CALU: variants seen among roughly 807,000 people sequenced by gnomAD.
CALU encodes calumenin.
Under a neutral mutation model 37.5 loss-of-function variants are expected in CALU, and 13 were observed. The ratio of observed to expected loss-of-function variants is 0.35; its 90% confidence interval spans 0.23 to 0.55. The LOEUF (loss-of-function observed/expected upper bound fraction) is 0.55. Ranked by LOEUF, CALU falls within the 20% of genes least tolerant of loss-of-function variation. The pLI, the probability that CALU is intolerant of heterozygous loss-of-function variation, is 0.89. For missense variants in CALU, 282 were observed against 391.7 expected (o/e 0.72, Z 2.36); for synonymous variants, 114 against 133.8 (o/e 0.85, Z 1.02).
At chr7:128,749,727 C>G (rs1800586034) in intron 2 of CALU, among the ~76,000 whole-genome samples, 1 of 152,110 alleles carries the variant, frequency 6.6e-6, no homozygotes, top group Non-Finnish European at 1.5e-5. Flanking sequence ...GGGTTATCTA[C>G]TGACTGAAGG....
rs1801657300 is a variant in CALU, at chr7:128,773,120, C to T, written c.*3953C>T. On this transcript the variant is annotated 3_prime_UTR_variant, in exon 7 of 7. Coordinates refer to ENST00000249364, the MANE Select transcript of CALU (RefSeq NM_001219.5). ...GGATTTCAGATGGGATAGGAAATCCCCCAGTACCTTCAGATGATAAGATAT... is the reference window on the plus strand; with the variant it reads ...GGATTTCAGATGGGATAGGAAATCCTCCAGTACCTTCAGATGATAAGATAT... Among the ~76,000 whole-genome samples the T allele has an allele frequency of 6.6e-6, 1 of 152,122 alleles. No individual in the cohort carries two copies. Among genetic ancestry groups the T allele is most frequent in the Non-Finnish European group, 1.5e-5 (1 of 68,028 alleles).
rs918185091 is a variant in CALU, at chr7:128,772,889, T to C, written c.*3722T>C. Among the ~76,000 whole-genome samples, 10 of 152,208 alleles carry C rather than the reference T, an allele frequency of 6.6e-5. No individual in the cohort carries two copies. The highest frequency in any genetic ancestry group is 2.1e-4 in the South Asian group (1 of 4,834). On this transcript the variant is annotated 3_prime_UTR_variant, in exon 7 of 7. Transcript: ENST00000249364. Reference sequence around the variant, plus strand: ...GTCAAGTCTGAGACCTCACTGTTGGTAAATTCACAAACCATCCTGCTTCAT... The same window carrying C: ...GTCAAGTCTGAGACCTCACTGTTGGCAAATTCACAAACCATCCTGCTTCAT...
chr7:128,749,809 C>A (rs894847582), intron 2 of CALU, among the ~76,000 whole-genome samples: 1 of 152,146 alleles, frequency 6.6e-6, no homozygotes, highest in Non-Finnish European at 1.5e-5. Context: ...AGCACTGTCA[C>A]ATAGCATTTG....
intron 1 of CALU, among the ~76,000 whole-genome samples, chr7:128,742,119 AC>A (rs1563124619): frequency 1.3e-5 from 2 of 152,226 alleles, no homozygotes; most frequent in African/African-American, 4.8e-5. Context: ...TGGTATCATG[AC>A]TTTTATCAAA....
chr7:128,741,538 A>C (rs966971534), intron 1 of CALU, among the ~76,000 whole-genome samples: 1 of 152,210 alleles, frequency 6.6e-6, no homozygotes, highest in African/African-American at 2.4e-5. Flanking sequence ...GTTTTATAGA[A>C]GTTTAGATTG....
chr7:128,758,869 A>T lies in CALU; in HGVS notation c.416-2A>T, dbSNP rs112887478. 1 of 1,603,796 alleles carries T rather than the reference A, an allele frequency of 6.2e-7. No homozygotes were observed. Among genetic ancestry groups the T allele is most frequent in the Non-Finnish European group, 8.5e-7 (1 of 1,175,102 alleles). On this transcript the variant is annotated splice_acceptor_variant, in intron 3 of 6. Transcript: ENST00000249364. LOFTEE classifies it high-confidence loss of function. Reference sequence around the variant, plus strand: ...GATTTGACCTAAATTTTTGTTTTCTAGATGATCCAGATCCTGATGATGGAT... The same window carrying T: ...GATTTGACCTAAATTTTTGTTTTCTTGATGATCCAGATCCTGATGATGGAT...
chr7:128,743,433 A>G lies in CALU; in HGVS notation c.-12+4001A>G, dbSNP rs551629780. ...GTATGTATGGCCCAATGGATACACA[A>G]AGATCTTTCCAGCTGGAAGTGATCT... is the stretch of plus-strand genomic sequence containing the variant. On this transcript the variant is annotated intron_variant, in intron 1 of 6. Transcript: ENST00000249364. Among the ~76,000 whole-genome samples, 32 of 152,312 alleles carry G rather than the reference A, an allele frequency of 2.1e-4. 1 individual carries two copies. The highest frequency in any genetic ancestry group is 1.2e-3 in the South Asian group (6 of 4,822).
intron 5 of CALU, among the ~76,000 whole-genome samples, chr7:128,761,896 A>G (rs537229081): frequency 6.6e-6 from 1 of 152,344 alleles, no homozygotes; most frequent in South Asian, 2.1e-4. Context: ...ATGTTGTCTT[A>G]TCATACCTGT....
chr7:128,763,398 AT>A (rs951760579), intron 5 of CALU, among the ~76,000 whole-genome samples: 1 of 151,954 alleles, frequency 6.6e-6, no homozygotes, highest in Non-Finnish European at 1.5e-5. Context: ...GTGTGGTGGC[AT>A]GTGCCTGTGT....
chr7:128,744,924 G>A (rs955997039), intron 1 of CALU, among the ~76,000 whole-genome samples: 11 of 152,190 alleles, frequency 7.2e-5, no homozygotes, highest in African/African-American at 2.4e-4. Context: ...CTTGTATCAA[G>A]ATATTAAGCC....
chr7:128,753,794 G>C (rs1404106561), intron 2 of CALU, among the ~76,000 whole-genome samples: 3 of 152,104 alleles, frequency 2.0e-5, no homozygotes, highest in Non-Finnish European at 4.4e-5. Context: ...TTTGAAGTCT[G>C]ATGTAACTAT....
intron 3 of CALU, among the ~76,000 whole-genome samples, chr7:128,755,801 A>G (rs965518247): frequency 1.3e-5 from 2 of 152,226 alleles, no homozygotes; most frequent in Non-Finnish European, 2.9e-5. Context: ...GAATTGTATT[A>G]ATATAAATGA....
At chr7:128,757,274 G>A (rs1043979464) in intron 3 of CALU, among the ~76,000 whole-genome samples, 4 of 151,992 alleles carry the variant, frequency 2.6e-5, no homozygotes, top group African/African-American at 4.8e-5. Flanking sequence ...ACATAGTCCT[G>A]AAACCTTGTT....
intron 1 of CALU, chr7:128,747,604 T>C (rs181616538): frequency 3.9e-5 from 6 of 152,164 alleles, no homozygotes. Flanking sequence ...AAAGAAAAAA[T>C]GTAAAAGCCT....
chr7:128,766,425 CTTTTTTTTTT>C lies in CALU; in HGVS notation c.644-1019_644-1010del, dbSNP rs11288081. On this transcript the variant is annotated intron_variant, in intron 5 of 6. Transcript: ENST00000249364. ...AAGACTGACACTAGTATTTCTTTTT[CTTTTTTTTTT>C]TTTTTTTTTTTGAGACGGAGTCTTG... Among the ~76,000 whole-genome samples the C allele has an allele frequency of 7.4e-5, 7 of 94,976 alleles. No individual in the cohort carries two copies. In the East Asian group the frequency reaches 2.0e-3, roughly 27 times the overall value. The allele number at this position is 94,976 out of a possible 152,430, so 62.3% of individuals were successfully genotyped here. A position where few individuals can be genotyped will look rare whatever the true frequency, so the allele number is the denominator to read the frequency against.
chr7:128,761,147 T>C (rs1274807026), intron 5 of CALU, among the ~76,000 whole-genome samples: 1 of 152,186 alleles, frequency 6.6e-6, no homozygotes, highest in Non-Finnish European at 1.5e-5. Flanking sequence ...TTGTCTAAAT[T>C]TTTTTAAAAA....
chr7:128,772,858 A>C lies in CALU; in HGVS notation c.*3691A>C, dbSNP rs1478961191. On this transcript the variant is annotated 3_prime_UTR_variant, in exon 7 of 7. Transcript: ENST00000249364. Reference sequence around the variant, plus strand: ...CTACTCCTGGGTCTACGGTAATCCTAAACTGGTCAAGTCTGAGACCTCACT... The same window carrying C: ...CTACTCCTGGGTCTACGGTAATCCTCAACTGGTCAAGTCTGAGACCTCACT... Among the ~76,000 whole-genome samples the C allele has an allele frequency of 6.6e-6, 1 of 152,190 alleles. No homozygotes were observed. Among genetic ancestry groups the C allele is most frequent in the Non-Finnish European group, 1.5e-5 (1 of 68,030 alleles).
At position 128,767,524 on chromosome 7, in the gene CALU, G is replaced by T; in HGVS notation, c.712G>T (p.Val238Phe). ...EWVKTEREQF[V>F]EFRDKNRDGK... ...GGTAAAGACAGAGCGAGAGCAGTTTGTTGAGTTTCGGGATAAGAACCGTGA... is the reference window on the plus strand; with the variant it reads ...GGTAAAGACAGAGCGAGAGCAGTTTTTTGAGTTTCGGGATAAGAACCGTGA... The change falls in exon 6 of 7, where the codon GTT (valine) becomes TTT (phenylalanine). Residue 238 changes from valine (V) to phenylalanine (F), a missense_variant. Val to Phe is a conservative substitution (Grantham distance 50). Transcript: ENST00000249364. The T allele has an allele frequency of 1.9e-6, 3 of 1,614,190 alleles. No homozygotes were observed. The highest frequency in any genetic ancestry group is 2.5e-6 in the Non-Finnish European group (3 of 1,180,006).
chr7:128,769,019 G>A, intron 6 of CALU, 44 bp from the exon 7 acceptor site: 1 of 1,122,020 alleles, frequency 8.9e-7, no homozygotes, highest in Non-Finnish European at 1.4e-6. Flanking sequence ...AATTTTTAAT[G>A]GGAAATATGT....
Sources: gnomAD v4.1 joint callset for allele counts (sites outside exome capture counted in the v4.1 genomes callset) on GRCh38, gnomAD v4.1.1 for gene constraint, MANE v1.5 for transcripts, NCBI Gene and HGNC (gene_info 2026-07-23, HGNC 2026-07-21) for gene names.